The following GATAD2A variants were observed in gnomAD, a reference collection of about 807,000 sequenced individuals.
GATAD2A encodes transcriptional repressor p66-alpha.
A neutral mutation model predicts 68.5 loss-of-function variants in GATAD2A; 12 were observed. The observed-to-expected ratio is 0.18, with a 90% CI of 0.11 to 0.28. GATAD2A has a LOEUF of 0.28. Ranked by LOEUF, GATAD2A falls within the 10% of genes least tolerant of loss-of-function variation. GATAD2A has a pLI of 1.00. For synonymous variants in GATAD2A, 410 were observed against 375.3 expected (o/e 1.09, Z -1.07); for missense variants, 755 against 868.5 (o/e 0.87, Z 1.64).
chr19:19,462,469 G>A (rs113777226), intron 1 of GATAD2A, among the ~76,000 whole-genome samples: 2,165 of 152,360 alleles, frequency 0.014, 57 homozygotes, highest in African/African-American at 0.049. Context: ...CCCCGCAGTG[G>A]CCTGCCTCTG....
chr19:19,501,136 C>A lies in GATAD2A; in HGVS notation c.1223C>A (p.Ala408Asp), dbSNP rs2060496904. Residue 408 changes from alanine to aspartate, a missense_variant, in exon 9 of 12, where the codon GCC becomes GAC. Physicochemically the swap from Ala to Asp is moderately radical, Grantham distance 126. Coordinates refer to ENST00000683918, the MANE Select transcript of GATAD2A (RefSeq NM_001384528.1). ...CTTGCAGCAGGCAGGATGTCGGCCG[C>A]CACTGTGCTGTCCCGGGAGCCCTAC... ...LETQAGRMSA[A>D]TVLSREPYMC... 6.2e-7 allele frequency: 1 copy of A among 1,611,092 alleles called. No individual in the cohort carries two copies. Among genetic ancestry groups the A allele is most frequent in the Non-Finnish European group, 8.5e-7 (1 of 1,178,178 alleles).
intron 1 of GATAD2A, among the ~76,000 whole-genome samples, chr19:19,446,540 C>T (rs1316633006): frequency 6.6e-6 from 1 of 151,592 alleles, no homozygotes; most frequent in East Asian, 1.9e-4. Context: ...TTGATGCAGT[C>T]CAAATTATCT....
chr19:19,442,771 G>GAAAAAAAA (rs11366479), intron 1 of GATAD2A, among the ~76,000 whole-genome samples: 1 of 104,412 alleles, frequency 9.6e-6, no homozygotes. Context: ...CCCCCAAGCT[G>GAAAAAAAA]AAAAAAAAAA....
At chr19:19,492,229 C>T (rs2059844459) in intron 2 of GATAD2A, 77 bp from the exon 3 acceptor site, 9 of 1,457,294 alleles carry the variant, frequency 6.2e-6, no homozygotes, top group Non-Finnish European at 8.4e-6. Context: ...TCTCAGCTCC[C>T]TGCCATGTGT....
intron 2 of GATAD2A, chr19:19,474,161 G>A (rs1417890412): frequency 2.0e-6 from 2 of 985,016 alleles, no homozygotes; most frequent in Admixed American, 6.2e-5. Flanking sequence ...TGAGGATCAC[G>A]GATAGAGTGA....
At chr19:19,406,718 C>T (rs1046623484) in intron 1 of GATAD2A, among the ~76,000 whole-genome samples, 13 of 152,288 alleles carry the variant, frequency 8.5e-5, no homozygotes, top group African/African-American at 2.6e-4. Flanking sequence ...AGCAGCTGGC[C>T]TTTTAAAGGG....
chr19:19,476,420 G>A (rs1351910719), intron 2 of GATAD2A, among the ~76,000 whole-genome samples: 1 of 152,236 alleles, frequency 6.6e-6, no homozygotes, highest in Non-Finnish European at 1.5e-5. Context: ...TGATGTCCCA[G>A]CTCCTGTAGC....
chr19:19,428,894 G>A (rs992509698), intron 1 of GATAD2A, among the ~76,000 whole-genome samples: 3 of 152,168 alleles, frequency 2.0e-5, no homozygotes, highest in Non-Finnish European at 4.4e-5. Context: ...GACATTGGCC[G>A]CGCCCCGAAG....
chr19:19,390,970 C>T (rs1333856465), intron 1 of GATAD2A, among the ~76,000 whole-genome samples: 1 of 152,128 alleles, frequency 6.6e-6, no homozygotes, highest in African/African-American at 2.4e-5. Context: ...GAATGCACCT[C>T]AAGCTCCCAA....
At chr19:19,400,172 TC>T (rs1187847873) in intron 1 of GATAD2A, among the ~76,000 whole-genome samples, 20 of 152,258 alleles carry the variant, frequency 1.3e-4, no homozygotes, top group African/African-American at 4.6e-4. Context: ...GAGATACACT[TC>T]CGGTTCACAA....
intron 1 of GATAD2A, among the ~76,000 whole-genome samples, chr19:19,446,819 A>G (rs572354554): frequency 2.0e-5 from 3 of 152,316 alleles, no homozygotes; most frequent in African/African-American, 7.2e-5. Context: ...TCGGTCTTCC[A>G]AAGTGTTGGG....
At chr19:19,476,330 G>A (rs1455585286) in intron 2 of GATAD2A, among the ~76,000 whole-genome samples, 4 of 152,144 alleles carry the variant, frequency 2.6e-5, no homozygotes, top group African/African-American at 4.8e-5. Flanking sequence ...TTGCTGCTGC[G>A]GCTTCTGATA....
At chr19:19,468,145 A>T (rs1164520763) in intron 2 of GATAD2A, among the ~76,000 whole-genome samples, 3 of 152,260 alleles carry the variant, frequency 2.0e-5, no homozygotes, top group Non-Finnish European at 4.4e-5. Flanking sequence ...TTCAGGTGAG[A>T]ACAGTGAGAC....
intron 1 of GATAD2A, among the ~76,000 whole-genome samples, chr19:19,394,723 C>G (rs997263259): frequency 6.6e-6 from 1 of 152,014 alleles, no homozygotes; most frequent in Non-Finnish European, 1.5e-5. Context: ...GGATTACAGG[C>G]GTGAGCCACC....
At chr19:19,481,273 C>T (rs964779659) in intron 2 of GATAD2A, among the ~76,000 whole-genome samples, 6 of 152,180 alleles carry the variant, frequency 3.9e-5, no homozygotes, top group African/African-American at 1.4e-4. Flanking sequence ...AACCATCCTA[C>T]CCCTTCCAGC....
At chr19:19,442,533 A>T (rs956355882) in intron 1 of GATAD2A, among the ~76,000 whole-genome samples, 3 of 152,168 alleles carry the variant, frequency 2.0e-5, no homozygotes, top group African/African-American at 7.2e-5. Flanking sequence ...AGGCTGAGGC[A>T]GGAGAATTGC....
At chr19:19,439,612 C>T (rs1568285854) in intron 1 of GATAD2A, among the ~76,000 whole-genome samples, 4 of 152,150 alleles carry the variant, frequency 2.6e-5, no homozygotes, top group Non-Finnish European at 5.9e-5. Flanking sequence ...CTTTGGGAGG[C>T]TGAAGCGGGT....
intron 2 of GATAD2A, among the ~76,000 whole-genome samples, chr19:19,469,471 C>T (rs943258611): frequency 6.7e-6 from 1 of 148,696 alleles, no homozygotes; most frequent in East Asian, 2.0e-4. Flanking sequence ...TAAAGTTATA[C>T]ACTAAAAAAT....
intron 1 of GATAD2A, among the ~76,000 whole-genome samples, chr19:19,453,969 TTG>T (rs1015622153): frequency 2.7e-5 from 4 of 146,780 alleles, no homozygotes; most frequent in African/African-American, 8.0e-5. Context: ...GCCAAATTTT[TTG>T]TGTTTTTTTT....
Sources: gnomAD v4.1 joint callset for allele counts (sites outside exome capture counted in the v4.1 genomes callset) on GRCh38, gnomAD v4.1.1 for gene constraint, MANE v1.5 for transcripts, NCBI Gene and HGNC (gene_info 2026-07-23, HGNC 2026-07-21) for gene names.